ARPP19: variants seen among roughly 807,000 people sequenced by gnomAD.
The protein encoded by ARPP19 is cAMP-regulated phosphoprotein 19.
ARPP19 carries 8 observed loss-of-function variants against 12.0 expected under a neutral mutation model. The ratio of observed to expected loss-of-function variants is 0.67; its 90% CI spans 0.39 to 1.21. ARPP19 has a LOEUF of 1.21. Ranked by LOEUF, ARPP19 falls within the 50% of genes most tolerant of loss-of-function variation. The pLI is 0.01. For missense variants in ARPP19, 102 were observed against 136.3 expected, an observed-to-expected ratio of 0.75 and a Z score of 1.25; for synonymous variants, 47 against 50.4, an observed-to-expected ratio of 0.93 and a Z score of 0.29.
rs183208589 is a variant in ARPP19 at position 52,551,865 on chromosome 15, A to G, written c.*69T>C. 1.8e-3 allele frequency: 2,128 copies of G among 1,191,500 alleles called. 8 individuals are homozygous for G. The highest frequency in any genetic ancestry group is 2.3e-3 in the Non-Finnish European group (1,877 of 823,188). The allele number at this position is 1,191,500 out of a possible 1,614,324, so 73.8% of individuals were successfully genotyped here. ...ATGACTAGTGAATGAAAGGAAATAA[A>G]AAGTAGATAAGTAACATATTAAGGA... On this transcript the variant is annotated 3_prime_UTR_variant, in exon 3 of 3. Coordinates refer to ENST00000249822, the MANE Select transcript of ARPP19 (RefSeq NM_006628.6).
At chr15:52,566,786 T>C (rs2078086254) in intron 1 of ARPP19, among the ~76,000 whole-genome samples, 1 of 150,546 alleles carries the variant, frequency 6.6e-6, no homozygotes, top group African/African-American at 2.5e-5. Context: ...TTTATACTTA[T>C]TTTTTATGTT....
intron 1 of ARPP19, chr15:52,557,446 A>G (rs1473538354): frequency 3.5e-5 from 16 of 459,346 alleles, no homozygotes; most frequent in Admixed American, 1.5e-4. Flanking sequence ...CACCCCACAC[A>G]CTGGATAAAA....
intron 1 of ARPP19, chr15:52,564,260 GAAA>G (rs1283682259): frequency 6.5e-7 from 1 of 1,530,306 alleles, no homozygotes; most frequent in East Asian, 2.4e-5. Flanking sequence ...AATAGAAATA[GAAA>G]ACATGGATGA....
intron 1 of ARPP19, among the ~76,000 whole-genome samples, chr15:52,561,007 C>T (rs1051448122): frequency 6.6e-6 from 1 of 152,204 alleles, no homozygotes; most frequent in African/African-American, 2.4e-5. Context: ...TCCTCTATTC[C>T]TTCTAATAAT....
At chr15:52,555,706 G>A (rs968731883) in intron 2 of ARPP19, among the ~76,000 whole-genome samples, 3 of 151,880 alleles carry the variant, frequency 2.0e-5, no homozygotes, top group Non-Finnish European at 4.4e-5. Context: ...GTTCTGAAAC[G>A]AGTAATAATT....
rs1390461186 is a variant in ARPP19, at chr15:52,550,482, T to C, written c.*1452A>G. On this transcript the variant is annotated 3_prime_UTR_variant, in exon 3 of 3. Coordinates refer to ENST00000249822, the MANE Select transcript of ARPP19 (RefSeq NM_006628.6). ...GAACCGTTTCATTATAAAGTTCCTT[T>C]TATTTAAACAATTGTAGAATATTAG... The C allele has an allele frequency of 1.3e-5, 2 of 152,218 alleles. No individual in the cohort carries two copies. Among genetic ancestry groups the C allele is most frequent in the Non-Finnish European group, 2.9e-5 (2 of 68,044 alleles). 9.4% of individuals were successfully genotyped at this position (152,218 alleles called of 1,614,324 possible). A position where few individuals can be genotyped will look rare whatever the true frequency, so the allele number is the denominator to read the frequency against.
intron 1 of ARPP19, chr15:52,568,502 G>A (rs1244693832): frequency 1.2e-5 from 3 of 249,330 alleles, no homozygotes; most frequent in African/African-American, 4.5e-5. Context: ...TTCTTCAAAG[G>A]AAAAAATAAA....
At chr15:52,556,688 A>G (rs2077984803) in intron 2 of ARPP19, among the ~76,000 whole-genome samples, 1 of 152,172 alleles carries the variant, frequency 6.6e-6, no homozygotes, top group South Asian at 2.1e-4. Context: ...GATAAACACC[A>G]GCTTCTGGAT....
At position 52,550,752 on chromosome 15, in the gene ARPP19, A is replaced by G. The variant is rs2077922651; in HGVS notation, c.*1182T>C. The G allele has an allele frequency of 6.6e-6, 1 of 152,636 alleles. No individual in the cohort carries two copies. The highest frequency in any genetic ancestry group is 2.4e-5 in the African/African-American group (1 of 41,448). The allele number at this position is 152,636 out of a possible 1,614,324, so 9.5% of individuals were successfully genotyped here. A position where few individuals can be genotyped will look rare whatever the true frequency, so the allele number is the denominator to read the frequency against. On this transcript the variant is annotated 3_prime_UTR_variant, in exon 3 of 3. Coordinates refer to ENST00000249822, the MANE Select transcript of ARPP19 (RefSeq NM_006628.6). The stretch of plus-strand genomic sequence containing the variant: ...CAGCTCAATACCATTTGAGTCAAAG[A>G]ACAAAGGGGAAAAAAAAGCAGGTGG...
chr15:52,557,302 G>T, intron 1 of ARPP19, 80 bp from the exon 2 acceptor site: 1 of 1,209,252 alleles, frequency 8.3e-7, no homozygotes, highest in Non-Finnish European at 1.1e-6. Flanking sequence ...TCTGGATTCT[G>T]AATTCTAGTT....
At chr15:52,559,317 T>C (rs1290686334) in intron 1 of ARPP19, among the ~76,000 whole-genome samples, 2 of 152,166 alleles carry the variant, frequency 1.3e-5, no homozygotes, top group Non-Finnish European at 2.9e-5. Context: ...GATGCAAACC[T>C]GCCATTCCCA....
intron 1 of ARPP19, among the ~76,000 whole-genome samples, chr15:52,560,588 A>G (rs2078023272): frequency 6.6e-6 from 1 of 152,244 alleles, no homozygotes; most frequent in Non-Finnish European, 1.5e-5. Context: ...TAAATGTGGT[A>G]AACACCATTA....
rs1223188910 is a variant in ARPP19 at position 52,547,818 on chromosome 15, G to C, written c.*4116C>G. On this transcript the variant is annotated 3_prime_UTR_variant, in exon 3 of 3. Transcript: ENST00000249822. ...GAAAATTTTAAATGTGTCCTAAATT[G>C]TGGCATATTGAAAACGATATTAAGG... 1 of 152,178 alleles carries C rather than the reference G, an allele frequency of 6.6e-6. No homozygotes were observed. Among genetic ancestry groups the C allele is most frequent in the Non-Finnish European group, 1.5e-5 (1 of 68,036 alleles). The allele number at this position is 152,178 out of a possible 1,614,324, so 9.4% of individuals were successfully genotyped here. A position where few individuals can be genotyped will look rare whatever the true frequency, so the allele number is the denominator to read the frequency against.
chr15:52,549,184 CAATT>C lies in ARPP19; in HGVS notation c.*2746_*2749del, dbSNP rs2077906506. On this transcript the variant is annotated 3_prime_UTR_variant, in exon 3 of 3. Coordinates refer to ENST00000249822, the MANE Select transcript of ARPP19 (RefSeq NM_006628.6). The stretch of plus-strand genomic sequence containing the variant: ...TTCATGAAGTATTTATCAACAACTT[CAATT>C]TATTCCAACATTAATTTATGATAGG... The C allele has an allele frequency of 6.6e-6, 1 of 152,140 alleles. No individual in the cohort carries two copies. The highest frequency in any genetic ancestry group is 1.5e-5 in the Non-Finnish European group (1 of 68,022). The allele number at this position is 152,140 out of a possible 1,614,324, so 9.4% of individuals were successfully genotyped here. A position where few individuals can be genotyped will look rare whatever the true frequency, so the allele number is the denominator to read the frequency against.
rs1831807772 is a variant in ARPP19, at chr15:52,550,410, T to C, written c.*1524A>G. 6.6e-6 allele frequency: 1 copy of C among 152,236 alleles called. No individual in the cohort carries two copies. The highest frequency in any genetic ancestry group is 2.1e-4 in the South Asian group (1 of 4,828). 9.4% of individuals were successfully genotyped at this position (152,236 alleles called of 1,614,324 possible). ...GCTTGTCATAATTCCTAAAATAATT[T>C]ACCAAAATTCAGCTCATCTTGACAT... is the stretch of plus-strand genomic sequence containing the variant. On this transcript the variant is annotated 3_prime_UTR_variant, in exon 3 of 3. Coordinates refer to ENST00000249822, the MANE Select transcript of ARPP19 (RefSeq NM_006628.6).
intron 1 of ARPP19, among the ~76,000 whole-genome samples, chr15:52,561,749 C>T (rs1284418558): frequency 1.3e-5 from 2 of 151,126 alleles, no homozygotes; most frequent in Admixed American, 1.3e-4. Context: ...AAGCAACAGA[C>T]TGTCCATTTA....
chr15:52,551,882 T>A lies in ARPP19; in HGVS notation c.*52A>T, dbSNP rs369826005. 3 of 1,350,822 alleles carry A rather than the reference T, an allele frequency of 2.2e-6. No homozygotes were observed. The highest frequency in any genetic ancestry group is 2.0e-5 in the Admixed American group (1 of 49,352). 83.7% of individuals were successfully genotyped at this position (1,350,822 alleles called of 1,614,324 possible). A position where few individuals can be genotyped will look rare whatever the true frequency, so the allele number is the denominator to read the frequency against. Reference sequence around the variant, plus strand: ...GGAAATAAAAAGTAGATAAGTAACATATTAAGGAGAAATAATGAGATTTAG... The same window carrying A: ...GGAAATAAAAAGTAGATAAGTAACAAATTAAGGAGAAATAATGAGATTTAG... On this transcript the variant is annotated 3_prime_UTR_variant, in exon 3 of 3. Transcript: ENST00000249822.
intron 1 of ARPP19, chr15:52,568,452 T>TGGAGTG: frequency 5.9e-6 from 1 of 170,194 alleles, no homozygotes; most frequent in South Asian, 1.7e-4. Context: ...GCACTGCTTT[T>TGGAGTG]GGAGTGAACC....
chr15:52,555,510 C>G (rs2077973630), intron 2 of ARPP19, among the ~76,000 whole-genome samples: 1 of 151,948 alleles, frequency 6.6e-6, no homozygotes, highest in Non-Finnish European at 1.5e-5. Context: ...ATTTTATTGA[C>G]TTACTTCAAT....
Sources: allele counts gnomAD v4.1 joint callset (sites outside exome capture counted in the v4.1 genomes callset), GRCh38; gene constraint gnomAD v4.1.1; transcripts MANE v1.5; gene names NCBI Gene and HGNC (gene_info 2026-07-23, HGNC 2026-07-21).